The following CFAP47 variants were observed in gnomAD, a reference collection of about 807,000 sequenced individuals.
CFAP47 encodes the protein cilia and flagella associated protein 47.
A neutral mutation model predicts 148.1 loss-of-function variants in CFAP47; 29 were observed. The observed-to-expected ratio is 0.20, with a 90% CI of 0.15 to 0.27. CFAP47 has a LOEUF of 0.27. CFAP47 is among the 10% of genes least tolerant of loss of function. The probability of loss-of-function intolerance (pLI) is 1.00; values close to 1 mark genes in which losing one functional copy is unlikely to be tolerated. For synonymous variants in CFAP47, 664 were observed against 577.3 expected, an observed-to-expected ratio of 1.15 and a Z score of -2.15; for missense variants, 1,872 against 1,697.5, an observed-to-expected ratio of 1.10 and a Z score of -1.81.
At chrX:36,023,084 AG>A (rs1937177700) in intron 22 of CFAP47, among the ~76,000 whole-genome samples, 1 of 111,542 alleles carries the variant, frequency 9.0e-6, no homozygotes, top group Non-Finnish European at 1.9e-5. Flanking sequence ...TCACATTCTG[AG>A]ATTGTTTGTA....
chrX:36,262,234 T>C (rs1425926148), intron 49 of CFAP47, among the ~76,000 whole-genome samples: 3 of 111,876 alleles, frequency 2.7e-5, no homozygotes, highest in Non-Finnish European at 5.6e-5. Context: ...CCAATTACAA[T>C]CTTTTAGTTA....
At chrX:35,989,703 G>T in intron 16 of CFAP47, 1 of 711,470 alleles carries the variant, frequency 1.4e-6, no homozygotes, top group Non-Finnish European at 1.9e-6. Flanking sequence ...AATGTGAGTA[G>T]AGGGAAAGCT....
At chrX:35,922,498 T>C (rs1408897952) in intron 1 of CFAP47, among the ~76,000 whole-genome samples, 1 of 112,768 alleles carries the variant, frequency 8.9e-6, no homozygotes, top group Non-Finnish European at 1.9e-5. Context: ...TTCTGAAGTA[T>C]TGGTTTTCCT....
At chrX:36,384,205 G>A (rs1167566162) in intron 63 of CFAP47, among the ~76,000 whole-genome samples, 2 of 110,463 alleles carry the variant, frequency 1.8e-5, no homozygotes, top group Non-Finnish European at 3.8e-5. Flanking sequence ...GCCGGGTGTC[G>A]TGGCACATGC....
intron 62 of CFAP47, among the ~76,000 whole-genome samples, chrX:36,375,472 G>T (rs1556022747): frequency 9.0e-6 from 1 of 111,635 alleles, no homozygotes; most frequent in African/African-American, 3.3e-5. Flanking sequence ...AATATTATGT[G>T]GCCCTTGAGA....
chrX:36,323,586 A>G (rs1941494415), intron 57 of CFAP47, among the ~76,000 whole-genome samples: 1 of 111,494 alleles, frequency 9.0e-6, no homozygotes, highest in South Asian at 3.7e-4. Flanking sequence ...CGACTAACAT[A>G]TGTTCCTCAA....
chrX:36,337,856 CTTTTTTTTTTTTT>C, intron 57 of CFAP47, among the ~76,000 whole-genome samples: 1 of 58,310 alleles, frequency 1.7e-5, no homozygotes, highest in East Asian at 5.5e-4. Context: ...TTCCATAATC[CTTTTTTTTTTTTT>C]TTTTTTTTTT....
chrX:35,945,544 A>G (rs1054940011), intron 3 of CFAP47, among the ~76,000 whole-genome samples: 3 of 111,316 alleles, frequency 2.7e-5, no homozygotes, highest in African/African-American at 9.8e-5. Flanking sequence ...TGTTACCACT[A>G]TGTATTTGGA....
intron 55 of CFAP47, among the ~76,000 whole-genome samples, chrX:36,310,104 T>C (rs1227235981): frequency 9.9e-6 from 1 of 101,300 alleles, no homozygotes; most frequent in Admixed American, 1.1e-4. Flanking sequence ...GTGATCCCTT[T>C]ATTCATCTGC....
At chrX:36,365,648 G>A (rs1415286566) in intron 61 of CFAP47, 2 of 109,736 alleles carry the variant, frequency 1.8e-5, no homozygotes, top group Non-Finnish European at 3.8e-5. Context: ...TCCATCCTCA[G>A]GTAGGCCCCA....
chrX:36,230,131 T>C (rs1940326086), intron 46 of CFAP47, among the ~76,000 whole-genome samples: 2 of 101,572 alleles, frequency 2.0e-5, no homozygotes, highest in African/African-American at 3.6e-5. Context: ...TACCCAGTAA[T>C]GGGATGGCTG....
At chrX:36,016,269 C>T (rs144976374) in intron 22 of CFAP47, among the ~76,000 whole-genome samples, 21 of 110,026 alleles carry the variant, frequency 1.9e-4, no homozygotes, top group African/African-American at 6.9e-4. Flanking sequence ...GCTTTTGTAC[C>T]CATATACCAT....
In CFAP47 at chrX:36,252,806, TATAA is replaced by T. The variant is rs1405614414; in HGVS notation, c.7444+1363_7444+1366del. Among the ~76,000 whole-genome samples the T allele has an allele frequency of 2.2e-4, 25 of 112,138 alleles. No individual in the cohort carries two copies. In the Admixed American group the frequency reaches 2.3e-3, roughly 10 times the overall value. On this transcript the variant is annotated intron_variant, in intron 49 of 63. Coordinates refer to ENST00000378653, the MANE Select transcript of CFAP47 (RefSeq NM_001304548.2). The stretch of plus-strand genomic sequence containing the variant: ...AAGGCAGCAAGTCATTCAGAATTGG[TATAA>T]TTAGTTTTGATAAAACATAATCAAT...
chrX:35,949,795 C>G (rs1936137163), intron 4 of CFAP47, among the ~76,000 whole-genome samples: 1 of 111,783 alleles, frequency 8.9e-6, no homozygotes, highest in Non-Finnish European at 1.9e-5. Context: ...TTTAGTAACC[C>G]TAATCTAAAA....
chrX:36,078,653 T>C (rs1486778242), intron 29 of CFAP47, among the ~76,000 whole-genome samples: 1 of 111,573 alleles, frequency 9.0e-6, no homozygotes, highest in Admixed American at 9.5e-5. Context: ...CTTGACTCTT[T>C]ATCCAATCTG....
intron 39 of CFAP47, among the ~76,000 whole-genome samples, chrX:36,177,204 GTATT>G (rs1462565783): frequency 3.6e-5 from 4 of 111,974 alleles, no homozygotes. Flanking sequence ...CGTGCTCTTT[GTATT>G]TAAGCAGGGA....
At chrX:36,083,773 T>C (rs1191703749) in intron 29 of CFAP47, among the ~76,000 whole-genome samples, 1 of 111,483 alleles carries the variant, frequency 9.0e-6, no homozygotes, top group Non-Finnish European at 1.9e-5. Context: ...TCCTTTAACA[T>C]ATTAATATAT....
chrX:36,341,233 C>T (rs1436751919), intron 57 of CFAP47, among the ~76,000 whole-genome samples: 3 of 109,504 alleles, frequency 2.7e-5, no homozygotes, highest in African/African-American at 1.0e-4. Context: ...GACAGCGTTT[C>T]CCCATGTTGG....
At chrX:36,146,661 C>T (rs1264782644) in intron 36 of CFAP47, among the ~76,000 whole-genome samples, 3 of 111,680 alleles carry the variant, frequency 2.7e-5, no homozygotes, top group African/African-American at 6.5e-5. Flanking sequence ...TGAATCAACA[C>T]GATGAATGGC....
Sources: allele counts gnomAD v4.1 joint callset (sites outside exome capture counted in the v4.1 genomes callset), GRCh38; gene constraint gnomAD v4.1.1; transcripts MANE v1.5; gene names NCBI Gene and HGNC (gene_info 2026-07-23, HGNC 2026-07-21).